Variants in LSAMP observed in about 807,000 individuals in gnomAD.
LSAMP encodes limbic system-associated membrane protein.
In LSAMP, 7 loss-of-function variants were observed where a neutral mutation model predicts 38.6. The ratio of observed to expected loss-of-function variants is 0.18; its 90% CI spans 0.10 to 0.34. The LOEUF (loss-of-function observed/expected upper bound fraction) is 0.34, where lower values mean the gene tolerates loss of function less well. Among genes scored for constraint, LSAMP ranks in the 10% least tolerant of loss-of-function variants. The pLI, the probability that LSAMP is intolerant of heterozygous loss-of-function variation, is 1.00. For synonymous variants in LSAMP, 154 were observed against 166.8 expected (o/e 0.92, Z 0.59); for missense variants, 313 against 420.0 (o/e 0.75, Z 2.23).
At chr3:116,217,290 G>A (rs983748566) in intron 1 of LSAMP, among the ~76,000 whole-genome samples, 1 of 152,138 alleles carries the variant, frequency 6.6e-6, no homozygotes, top group South Asian at 2.1e-4. Flanking sequence ...AAACGCAAAA[G>A]CTAACCATCC....
At chr3:115,975,115 G>A (rs1939143193) in intron 3 of LSAMP, among the ~76,000 whole-genome samples, 1 of 152,134 alleles carries the variant, frequency 6.6e-6, no homozygotes, top group Non-Finnish European at 1.5e-5. Context: ...TACTTTGTGT[G>A]TGAGATGCAA....
intron 3 of LSAMP, among the ~76,000 whole-genome samples, chr3:115,918,801 T>A (rs1203095641): frequency 6.6e-6 from 1 of 150,578 alleles, no homozygotes; most frequent in African/African-American, 2.4e-5. Context: ...TTGGAATGAG[T>A]TAAATTTGGC....
At chr3:116,053,373 G>A (rs535334374) in intron 2 of LSAMP, among the ~76,000 whole-genome samples, 30 of 152,242 alleles carry the variant, frequency 2.0e-4, no homozygotes, top group African/African-American at 6.5e-4. Flanking sequence ...TTACAATCCA[G>A]GAAGTGAGAC....
chr3:116,014,161 T>A (rs553724736), intron 3 of LSAMP, among the ~76,000 whole-genome samples: 20 of 152,298 alleles, frequency 1.3e-4, no homozygotes, highest in Non-Finnish European at 2.6e-4. Context: ...GTGCACCAAT[T>A]TAGGATGGGG....
At chr3:115,935,712 T>C (rs1436312142) in intron 3 of LSAMP, among the ~76,000 whole-genome samples, 4 of 152,178 alleles carry the variant, frequency 2.6e-5, no homozygotes, top group Non-Finnish European at 5.9e-5. Context: ...GATGGGGGTA[T>C]GTCTTCAGGG....
chr3:116,151,964 T>C (rs1256709782), intron 1 of LSAMP, among the ~76,000 whole-genome samples: 1 of 152,098 alleles, frequency 6.6e-6, no homozygotes, highest in Admixed American at 6.6e-5. Flanking sequence ...AATGTACTTA[T>C]ATTTGTCTCC....
chr3:116,113,294 T>A (rs1227560418), intron 1 of LSAMP, among the ~76,000 whole-genome samples: 1 of 150,082 alleles, frequency 6.7e-6, no homozygotes. Context: ...TCTCTCTTTA[T>A]CCCAAGTCAC....
chr3:116,272,065 G>T (rs758450984), intron 1 of LSAMP, among the ~76,000 whole-genome samples: 1 of 151,922 alleles, frequency 6.6e-6, no homozygotes, highest in African/African-American at 2.4e-5. Context: ...AATTCTCAAA[G>T]CCCTTTTTAT....
chr3:116,410,890 G>A (rs549409445), intron 1 of LSAMP, among the ~76,000 whole-genome samples: 14 of 152,076 alleles, frequency 9.2e-5, no homozygotes, highest in South Asian at 6.2e-4. Flanking sequence ...TTTTGCGAAC[G>A]GAGGGGTCAG....
intron 3 of LSAMP, among the ~76,000 whole-genome samples, chr3:115,855,851 C>T (rs2107527885): frequency 6.6e-6 from 1 of 152,254 alleles, no homozygotes; most frequent in Admixed American, 6.5e-5. Context: ...CAGAGACACC[C>T]CTGGGCCCTC....
At chr3:116,316,275 T>C (rs1035505837) in intron 1 of LSAMP, among the ~76,000 whole-genome samples, 5 of 152,302 alleles carry the variant, frequency 3.3e-5, no homozygotes, top group South Asian at 2.1e-4. Context: ...TATTGGCAAG[T>C]AGGATTTCAT....
intron 3 of LSAMP, among the ~76,000 whole-genome samples, chr3:115,883,974 A>G (rs1445911245): frequency 6.6e-6 from 1 of 152,058 alleles, no homozygotes; most frequent in East Asian, 1.9e-4. Context: ...TAAGAAAACA[A>G]TTACTGTGTA....
intron 3 of LSAMP, among the ~76,000 whole-genome samples, chr3:115,981,391 T>G (rs894581386): frequency 2.7e-5 from 4 of 147,532 alleles, no homozygotes; most frequent in African/African-American, 9.7e-5. Flanking sequence ...TTTGAGCTTC[T>G]GTTTTTTTCC....
Position 116,254,577 on chromosome 3 carries a change from C to T in LSAMP, c.156-168021G>A, listed in dbSNP as rs537361179. 4.6e-5 allele frequency among the ~76,000 whole-genome samples: 7 copies of T among 152,216 alleles called. No homozygotes were observed. In the South Asian group the frequency reaches 1.5e-3, roughly 32 times the overall value. On this transcript the variant is annotated intron_variant, in intron 1 of 6. Coordinates refer to ENST00000490035, the MANE Select transcript of LSAMP (RefSeq NM_002338.5). ...CAAAACCAATTCCCTCTATTAACAC[C>T]GTTTTGTTTCAGTAAGGTTATAGCA... is the stretch of plus-strand genomic sequence containing the variant.
At chr3:116,348,139 A>G (rs1323491457) in intron 1 of LSAMP, among the ~76,000 whole-genome samples, 3 of 152,122 alleles carry the variant, frequency 2.0e-5, no homozygotes, top group African/African-American at 7.2e-5. Context: ...CCCTAAGGAT[A>G]GAAATTATTC....
At chr3:116,055,711 A>G (rs1199883884) in intron 2 of LSAMP, among the ~76,000 whole-genome samples, 1 of 152,172 alleles carries the variant, frequency 6.6e-6, no homozygotes, top group East Asian at 1.9e-4. Flanking sequence ...GTAATCCTTC[A>G]AATATATGTG....
rs939917567 is a variant in LSAMP, at chr3:115,907,588, C to T, written c.515-54971G>A. On this transcript the variant is annotated intron_variant, in intron 3 of 6. Coordinates refer to ENST00000490035, the MANE Select transcript of LSAMP (RefSeq NM_002338.5). ...CCTACACAGACTAAGATATTCATCTCCTGACTTTGATCTCTTCGGGCTACT... is the reference window on the plus strand; with the variant it reads ...CCTACACAGACTAAGATATTCATCTTCTGACTTTGATCTCTTCGGGCTACT... 1.3e-5 allele frequency among the ~76,000 whole-genome samples: 2 copies of T among 152,240 alleles called. 1 individual carries two copies. The highest frequency in any genetic ancestry group is 4.8e-5 in the African/African-American group (2 of 41,550).
intron 3 of LSAMP, among the ~76,000 whole-genome samples, chr3:115,896,954 G>A (rs951186050): frequency 6.6e-6 from 1 of 152,086 alleles, no homozygotes; most frequent in Non-Finnish European, 1.5e-5. Context: ...TCTGAGCAAG[G>A]CCTGCCCTTT....
At chr3:116,027,936 C>T (rs1488194452) in intron 2 of LSAMP, among the ~76,000 whole-genome samples, 2 of 152,136 alleles carry the variant, frequency 1.3e-5, no homozygotes, top group Non-Finnish European at 2.9e-5. Flanking sequence ...AGTTATTGTT[C>T]ATTCAAAGAT....
Sources: allele counts gnomAD v4.1 joint callset (sites outside exome capture counted in the v4.1 genomes callset), GRCh38; gene constraint gnomAD v4.1.1; transcripts MANE v1.5; gene names NCBI Gene and HGNC (gene_info 2026-07-23, HGNC 2026-07-21).